Variants in CERS6 observed in about 807,000 individuals in gnomAD.
The protein encoded by CERS6 is ceramide synthase 6.
In CERS6, 26 loss-of-function variants were observed where a neutral mutation model predicts 56.8. The ratio of observed to expected loss-of-function variants is 0.46; its 90% CI spans 0.34 to 0.63. The LOEUF (loss-of-function observed/expected upper bound fraction) is 0.63. Ranked by LOEUF, CERS6 falls within the 30% of genes least tolerant of loss-of-function variation. CERS6 has a pLI of 0.01. For missense variants in CERS6, 415 were observed against 467.5 expected (o/e 0.89, Z 1.04); for synonymous variants, 164 against 173.3 (o/e 0.95, Z 0.42).
At chr2:168,630,588 A>C (rs555258521) in intron 3 of CERS6, among the ~76,000 whole-genome samples, 8 of 152,286 alleles carry the variant, frequency 5.3e-5, no homozygotes, top group African/African-American at 1.9e-4. Flanking sequence ...AACTCTTTTA[A>C]AACAAATATG....
At chr2:168,609,143 T>C (rs1684125254) in intron 3 of CERS6, among the ~76,000 whole-genome samples, 1 of 152,170 alleles carries the variant, frequency 6.6e-6, no homozygotes, top group African/African-American at 2.4e-5. Flanking sequence ...TTATCTTGGA[T>C]GGTTGGTTCT....
At chr2:168,467,967 A>G (rs1386540150) in intron 1 of CERS6, among the ~76,000 whole-genome samples, 1 of 152,158 alleles carries the variant, frequency 6.6e-6, no homozygotes, top group Non-Finnish European at 1.5e-5. Flanking sequence ...TACTTGTTCT[A>G]TTGAAGAGTA....
intron 1 of CERS6, among the ~76,000 whole-genome samples, chr2:168,528,745 A>G (rs1695114348): frequency 6.6e-6 from 1 of 152,192 alleles, no homozygotes; most frequent in Non-Finnish European, 1.5e-5. Context: ...AAAGCAGCCA[A>G]ATGAGAGAAG....
intron 2 of CERS6, among the ~76,000 whole-genome samples, chr2:168,556,281 G>T (rs1200441600): frequency 6.6e-6 from 1 of 152,220 alleles, no homozygotes; most frequent in East Asian, 1.9e-4. Context: ...TAAAAAATTA[G>T]TGAACTGAAC....
intron 8 of CERS6, among the ~76,000 whole-genome samples, chr2:168,761,200 T>C (rs938745330): frequency 6.6e-5 from 10 of 152,224 alleles, no homozygotes; most frequent in Non-Finnish European, 1.5e-4. Context: ...CAAGTGTCTC[T>C]ACAGGAAGCC....
intron 1 of CERS6, among the ~76,000 whole-genome samples, chr2:168,500,037 T>C (rs879401192): frequency 3.2e-4 from 48 of 152,246 alleles, no homozygotes; most frequent in African/African-American, 9.9e-4. Context: ...ATGCCACTTA[T>C]AAACATAATC....
chr2:168,595,478 C>T (rs1683776466), intron 3 of CERS6, among the ~76,000 whole-genome samples: 1 of 152,126 alleles, frequency 6.6e-6, no homozygotes, highest in South Asian at 2.1e-4. Context: ...GGTATAAATA[C>T]CACAATTGCA....
Position 168,569,076 on chromosome 2 carries a change from C to T in CERS6, c.407+7754C>T, listed in dbSNP as rs1157406872. On this transcript the variant is annotated intron_variant, in intron 3 of 9. Coordinates refer to ENST00000305747, the MANE Select transcript of CERS6 (RefSeq NM_203463.3). ...AGCTCAGACTGTCATAACAAAATACCGCAGACTGTGTGGCTTAACAGAAAT... is the reference window on the plus strand; with the variant it reads ...AGCTCAGACTGTCATAACAAAATACTGCAGACTGTGTGGCTTAACAGAAAT... Among the ~76,000 whole-genome samples, 9 of 152,264 alleles carry T rather than the reference C, an allele frequency of 5.9e-5. No individual in the cohort carries two copies. In the East Asian group the frequency reaches 1.2e-3, roughly 20 times the overall value.
At chr2:168,659,223 T>C (rs1474205466) in intron 4 of CERS6, among the ~76,000 whole-genome samples, 1 of 152,244 alleles carries the variant, frequency 6.6e-6, no homozygotes, top group African/African-American at 2.4e-5. Context: ...GTCACTACCT[T>C]CACTTTTCTT....
At chr2:168,731,748 C>T (rs1175429338) in intron 8 of CERS6, among the ~76,000 whole-genome samples, 2 of 152,134 alleles carry the variant, frequency 1.3e-5, no homozygotes, top group African/African-American at 4.8e-5. Flanking sequence ...TTGGGGATTT[C>T]TCATCAGGTT....
intron 9 of CERS6, 50 bp downstream of exon 9, chr2:168,765,798 G>A (rs770689483): frequency 6.5e-7 from 1 of 1,539,044 alleles, no homozygotes; most frequent in South Asian, 1.2e-5. Flanking sequence ...TTTTGTTTTT[G>A]TAATTTCTCT....
intron 4 of CERS6, among the ~76,000 whole-genome samples, chr2:168,675,306 C>T (rs1290039492): frequency 1.9e-4 from 29 of 151,730 alleles, no homozygotes; most frequent in African/African-American, 6.0e-4. Context: ...AACAATAGGC[C>T]GGGCATAGTG....
intron 3 of CERS6, among the ~76,000 whole-genome samples, chr2:168,630,476 G>A (rs1684689993): frequency 6.6e-6 from 1 of 152,082 alleles, no homozygotes; most frequent in African/African-American, 2.4e-5. Flanking sequence ...GTTGTAATTT[G>A]ATTTATTTAG....
chr2:168,572,082 C>A (rs1696000164), intron 3 of CERS6, among the ~76,000 whole-genome samples: 1 of 152,084 alleles, frequency 6.6e-6, no homozygotes, highest in Non-Finnish European at 1.5e-5. Context: ...GACACACAGG[C>A]CAAGGTTAAC....
At chr2:168,714,911 T>C (rs1687190200) in intron 6 of CERS6, 90 bp from the exon 7 acceptor site, 8 of 1,254,746 alleles carry the variant, frequency 6.4e-6, no homozygotes, top group South Asian at 6.0e-5. Context: ...TTTGTGGAGG[T>C]TCTCAGTAAA....
intron 4 of CERS6, among the ~76,000 whole-genome samples, chr2:168,678,658 C>T (rs1219715574): frequency 6.6e-6 from 1 of 152,096 alleles, no homozygotes; most frequent in Non-Finnish European, 1.5e-5. Context: ...GAGGAGGTGG[C>T]GTGGCTCCAG....
intron 3 of CERS6, among the ~76,000 whole-genome samples, chr2:168,613,412 T>C (rs1478254898): frequency 1.3e-5 from 2 of 151,910 alleles, no homozygotes; most frequent in Non-Finnish European, 2.9e-5. Context: ...AGACCAAGGG[T>C]GGTCTGTGCA....
At chr2:168,623,902 C>T (rs910633163) in intron 3 of CERS6, among the ~76,000 whole-genome samples, 5 of 152,120 alleles carry the variant, frequency 3.3e-5, no homozygotes, top group Admixed American at 6.6e-5. Context: ...CACAAAGTTA[C>T]TTGTTAAATG....
At chr2:168,492,019 T>C (rs1490748027) in intron 1 of CERS6, among the ~76,000 whole-genome samples, 2 of 152,232 alleles carry the variant, frequency 1.3e-5, no homozygotes, top group African/African-American at 2.4e-5. Flanking sequence ...CAGTCTATCA[T>C]TGATGGGCAT....
Sources: gnomAD v4.1 joint callset for allele counts (sites outside exome capture counted in the v4.1 genomes callset) on GRCh38, gnomAD v4.1.1 for gene constraint, MANE v1.5 for transcripts, NCBI Gene and HGNC (gene_info 2026-07-23, HGNC 2026-07-21) for gene names.